Variants in CYTH3 observed in about 807,000 individuals in gnomAD.
CYTH3 encodes cytohesin-3.
A neutral mutation model predicts 55.1 loss-of-function variants in CYTH3; 23 were observed. The observed-to-expected ratio is 0.42, with a 90% CI of 0.30 to 0.59. The LOEUF is 0.59. Among genes scored for constraint, CYTH3 ranks in the 20% least tolerant of loss-of-function variants. The pLI is 0.20. For synonymous variants in CYTH3, 249 were observed against 194.9 expected (o/e 1.28, Z -2.31); for missense variants, 413 against 524.8 (o/e 0.79, Z 2.08).
At chr7:6,258,630 CA>C (rs34855103) in intron 1 of CYTH3, among the ~76,000 whole-genome samples, 10,256 of 152,164 alleles carry the variant, frequency 0.067, 841 homozygotes, top group African/African-American at 0.19. Context: ...TACACAGAGT[CA>C]AATATGGCTG....
intron 1 of CYTH3, among the ~76,000 whole-genome samples, chr7:6,200,097 T>A (rs1439296349): frequency 2.0e-5 from 3 of 152,198 alleles, no homozygotes; most frequent in African/African-American, 7.2e-5. Context: ...AATTTGTATC[T>A]CAGAATCAAG....
intron 1 of CYTH3, among the ~76,000 whole-genome samples, chr7:6,198,109 A>G (rs1783977963): frequency 6.6e-6 from 1 of 152,068 alleles, no homozygotes; most frequent in Non-Finnish European, 1.5e-5. Flanking sequence ...AAAAAAAAAA[A>G]AGGAAAAAAA....
At chr7:6,198,309 T>G (rs1169568963) in intron 1 of CYTH3, among the ~76,000 whole-genome samples, 1 of 152,202 alleles carries the variant, frequency 6.6e-6, no homozygotes, top group Non-Finnish European at 1.5e-5. Flanking sequence ...TGCTGTCCTA[T>G]TGTGTCTTTG....
chr7:6,271,964 C>G (rs1259851464), intron 1 of CYTH3, among the ~76,000 whole-genome samples: 1 of 152,188 alleles, frequency 6.6e-6, no homozygotes, highest in Non-Finnish European at 1.5e-5. Context: ...CAGACTGTCA[C>G]GCTTTCCAAC....
intron 1 of CYTH3, among the ~76,000 whole-genome samples, chr7:6,214,819 G>A (rs904293056): frequency 6.6e-6 from 1 of 152,110 alleles, no homozygotes; most frequent in Non-Finnish European, 1.5e-5. Flanking sequence ...GATAAAAACT[G>A]ATGCCAAAGC....
intron 5 of CYTH3, among the ~76,000 whole-genome samples, chr7:6,176,991 T>C (rs1314407016): frequency 6.6e-6 from 1 of 152,274 alleles, no homozygotes; most frequent in Non-Finnish European, 1.5e-5. Flanking sequence ...TTTTGTCCTT[T>C]ATGTGAAAGA....
At chr7:6,186,622 C>T (rs1783658329) in intron 4 of CYTH3, among the ~76,000 whole-genome samples, 1 of 152,188 alleles carries the variant, frequency 6.6e-6, no homozygotes, top group Non-Finnish European at 1.5e-5. Flanking sequence ...CTTAACCCAC[C>T]CAGATTATAA....
chr7:6,226,818 T>C (rs538939706), intron 1 of CYTH3, among the ~76,000 whole-genome samples: 23 of 152,118 alleles, frequency 1.5e-4, no homozygotes, highest in Admixed American at 3.9e-4. Context: ...CGGTGGCTCA[T>C]GCCTGTAATC....
chr7:6,185,305 C>T (rs1468948246), intron 4 of CYTH3, among the ~76,000 whole-genome samples: 1 of 152,222 alleles, frequency 6.6e-6, no homozygotes, highest in Non-Finnish European at 1.5e-5. Context: ...CCAGACATGG[C>T]CTGGCGCAGT....
chr7:6,226,693 A>C (rs1222682310), intron 1 of CYTH3, among the ~76,000 whole-genome samples: 1 of 152,210 alleles, frequency 6.6e-6, no homozygotes, highest in Non-Finnish European at 1.5e-5. Context: ...GTAAAGCAAC[A>C]CAACATCTCA....
At chr7:6,252,991 G>C (rs1052573533) in intron 1 of CYTH3, among the ~76,000 whole-genome samples, 2 of 152,108 alleles carry the variant, frequency 1.3e-5, no homozygotes, top group South Asian at 2.1e-4. Context: ...GAACCACTCC[G>C]TAACTCCTTC....
At chr7:6,189,723 T>C (rs979942177) in intron 2 of CYTH3, among the ~76,000 whole-genome samples, 1 of 152,094 alleles carries the variant, frequency 6.6e-6, no homozygotes, top group Non-Finnish European at 1.5e-5. Context: ...GAACAGGCAA[T>C]GTTCTAGGTG....
At chr7:6,203,994 G>C (rs1330851501) in intron 1 of CYTH3, among the ~76,000 whole-genome samples, 1 of 151,798 alleles carries the variant, frequency 6.6e-6, no homozygotes, top group East Asian at 1.9e-4. Context: ...TGGGATTACA[G>C]GCGTTAGCCA....
intron 4 of CYTH3, 70 bp from the exon 5 acceptor site, chr7:6,178,011 C>T (rs780905790): frequency 8.4e-7 from 1 of 1,190,044 alleles, no homozygotes; most frequent in Non-Finnish European, 1.2e-6. Context: ...GACAGAAATA[C>T]ACTTAGTGTC....
At chr7:6,202,373 A>G (rs1784075716) in intron 1 of CYTH3, among the ~76,000 whole-genome samples, 1 of 152,110 alleles carries the variant, frequency 6.6e-6, no homozygotes, top group Admixed American at 6.5e-5. Context: ...TGAATATGAC[A>G]ACGTGGGTGA....
intron 1 of CYTH3, among the ~76,000 whole-genome samples, chr7:6,248,545 G>A (rs1287638348): frequency 2.0e-5 from 3 of 152,186 alleles, no homozygotes; most frequent in African/African-American, 7.2e-5. Flanking sequence ...AAGGAGGACT[G>A]TGGCGCCCAG....
intron 1 of CYTH3, among the ~76,000 whole-genome samples, chr7:6,213,652 G>C (rs1192767751): frequency 1.3e-5 from 2 of 152,002 alleles, no homozygotes; most frequent in African/African-American, 4.8e-5. Context: ...GTCTAGGGAA[G>C]CACAGTTCCT....
Position 6,193,844 on chromosome 7 carries a change from G to A in CYTH3, c.35-3313C>T, listed in dbSNP as rs139218256. Among the ~76,000 whole-genome samples, 6 of 152,274 alleles carry A rather than the reference G, an allele frequency of 3.9e-5. No individual in the cohort carries two copies. In the East Asian group the frequency reaches 1.2e-3, roughly 29 times the overall value. On this transcript the variant is annotated intron_variant, in intron 1 of 12. Transcript: ENST00000350796. Reference sequence around the variant, plus strand: ...CACCCTACTAAAAACAGGGGTGAGAGATAAAAGCAAACATACTCATCACCA... The same window carrying A: ...CACCCTACTAAAAACAGGGGTGAGAAATAAAAGCAAACATACTCATCACCA...
At chr7:6,198,262 A>G (rs928856362) in intron 1 of CYTH3, among the ~76,000 whole-genome samples, 1 of 152,240 alleles carries the variant, frequency 6.6e-6, no homozygotes, top group African/African-American at 2.4e-5. Context: ...GTGATAAAGT[A>G]TTTCTGAACC....
Sources: gnomAD v4.1 joint callset for allele counts (sites outside exome capture counted in the v4.1 genomes callset) on GRCh38, gnomAD v4.1.1 for gene constraint, MANE v1.5 for transcripts, NCBI Gene and HGNC (gene_info 2026-07-23, HGNC 2026-07-21) for gene names.